The following AGPS variants were observed in gnomAD, a reference collection of about 807,000 sequenced individuals.
AGPS encodes the protein alkyldihydroxyacetonephosphate synthase, peroxisomal.
Under a neutral mutation model 90.7 loss-of-function variants are expected in AGPS, and 26 were observed. The observed-to-expected ratio is 0.29, with a 90% confidence interval of 0.21 to 0.40. The LOEUF (loss-of-function observed/expected upper bound fraction) is 0.40. Ranked by LOEUF, AGPS falls within the 10% of genes least tolerant of loss-of-function variation. The pLI, the probability that AGPS is intolerant of heterozygous loss-of-function variation, is 1.00. For missense variants in AGPS, 540 were observed against 816.1 expected, an observed-to-expected ratio of 0.66 and a Z score of 4.12; for synonymous variants, 294 against 285.3, an observed-to-expected ratio of 1.03 and a Z score of -0.31.
intron 9 of AGPS, among the ~76,000 whole-genome samples, chr2:177,462,853 G>A (rs1687341760): frequency 6.6e-6 from 1 of 152,098 alleles, no homozygotes; most frequent in Non-Finnish European, 1.5e-5. Context: ...TATGGATTTT[G>A]GTATCCTCGA....
intron 7 of AGPS, 119 bp downstream of exon 7, chr2:177,442,605 G>C: frequency 1.3e-6 from 1 of 768,134 alleles, no homozygotes; most frequent in South Asian, 1.5e-5. Context: ...CCAGCACCTG[G>C]GGAGGCTGAG....
intron 8 of AGPS, among the ~76,000 whole-genome samples, chr2:177,453,674 A>G (rs1687020225): frequency 6.7e-6 from 1 of 149,438 alleles, no homozygotes; most frequent in Non-Finnish European, 1.5e-5. Context: ...TATCATGTCT[A>G]AGAAAATCAG....
In AGPS at chr2:177,531,011, A is replaced by AT. The variant is rs556763845; in HGVS notation, c.1856-7055dup. ...ATAACCAGCCTTAGTTTAAATATTG[A>AT]TTTTTTTTACCTAACCAAAATTACT... is the stretch of plus-strand genomic sequence containing the variant. On this transcript the variant is annotated intron_variant, in intron 19 of 19. Coordinates refer to ENST00000264167, the MANE Select transcript of AGPS (RefSeq NM_003659.4). 5.7e-3 allele frequency among the ~76,000 whole-genome samples: 872 copies of AT among 152,020 alleles called. 20 individuals are homozygous for AT. The highest frequency in any genetic ancestry group is 0.043 in the Admixed American group (656 of 15,226).
At chr2:177,437,931 A>G (rs1686465386) in intron 5 of AGPS, among the ~76,000 whole-genome samples, 1 of 152,176 alleles carries the variant, frequency 6.6e-6, no homozygotes, top group South Asian at 2.1e-4. Flanking sequence ...TACTTTCCTG[A>G]TACTTGTATA....
rs79531837 is a variant in AGPS at position 177,474,503 on chromosome 2, C to G, written c.1105+5979C>G. ...ACACACATTCCTGGTGACTGTACCC[C>G]ACTCTTCCAGTGCACAGGCGGGCCC... is the stretch of plus-strand genomic sequence containing the variant. On this transcript the variant is annotated intron_variant, in intron 10 of 19. Transcript: ENST00000264167. Among the ~76,000 whole-genome samples the G allele has an allele frequency of 1.3e-4, 20 of 152,324 alleles. No homozygotes were observed. The South Asian group carries it at 4.1e-3, about 32-fold the overall frequency.
At chr2:177,500,735 A>G (rs1688540906) in intron 14 of AGPS, among the ~76,000 whole-genome samples, 2 of 152,058 alleles carry the variant, frequency 1.3e-5, no homozygotes, top group Admixed American at 6.5e-5. Context: ...TGGCAAATGG[A>G]ATTTTAATTT....
At chr2:177,445,797 A>T (rs1686751511) in intron 8 of AGPS, among the ~76,000 whole-genome samples, 171 bp downstream of exon 8, 1 of 152,210 alleles carries the variant, frequency 6.6e-6, no homozygotes, top group Non-Finnish European at 1.5e-5. Flanking sequence ...TGGGTCAAGC[A>T]TTGAGCTAGA....
chr2:177,451,862 GCCA>G (rs1439082543), intron 8 of AGPS, among the ~76,000 whole-genome samples: 2 of 152,046 alleles, frequency 1.3e-5, no homozygotes, highest in Non-Finnish European at 2.9e-5. Flanking sequence ...TTAGTGACAT[GCCA>G]CCAATTTTGA....
intron 1 of AGPS, among the ~76,000 whole-genome samples, chr2:177,409,396 T>C (rs1685556396): frequency 6.6e-6 from 1 of 152,106 alleles, no homozygotes. Context: ...GACTTTTTTT[T>C]TTTTTTTTAC....
intron 10 of AGPS, among the ~76,000 whole-genome samples, chr2:177,474,886 T>G (rs1687736750): frequency 6.6e-6 from 1 of 152,234 alleles, no homozygotes; most frequent in African/African-American, 2.4e-5. Flanking sequence ...CAAATAAATA[T>G]TCTCAAATGT....
At chr2:177,518,262 C>T (rs960990457) in intron 17 of AGPS, among the ~76,000 whole-genome samples, 17 of 151,906 alleles carry the variant, frequency 1.1e-4, no homozygotes, top group Non-Finnish European at 2.1e-4. Flanking sequence ...GATGAAACCC[C>T]GTCTCTACTA....
chr2:177,439,755 A>G (rs1686541857), intron 5 of AGPS, among the ~76,000 whole-genome samples: 1 of 152,074 alleles, frequency 6.6e-6, no homozygotes, highest in Non-Finnish European at 1.5e-5. Flanking sequence ...AGTTTTGCAT[A>G]GTTTTCTTGC....
At chr2:177,434,255 G>GA (rs1686332124) in intron 2 of AGPS, 72 bp from the exon 3 acceptor site, 1 of 1,105,112 alleles carries the variant, frequency 9.0e-7, no homozygotes, top group Non-Finnish European at 1.4e-6. Context: ...ACCATCACTG[G>GA]AAGCAGAATT....
At chr2:177,467,150 T>C (rs533043765) in intron 9 of AGPS, among the ~76,000 whole-genome samples, 34 of 152,294 alleles carry the variant, frequency 2.2e-4, no homozygotes, top group Non-Finnish European at 2.9e-4. Flanking sequence ...TAGAACTGTT[T>C]CTAGGCATGC....
chr2:177,506,799 A>G (rs535669257), intron 15 of AGPS, among the ~76,000 whole-genome samples: 2 of 152,164 alleles, frequency 1.3e-5, no homozygotes, highest in African/African-American at 4.8e-5. Flanking sequence ...ACAATTATCA[A>G]TTGTCAATAT....
Position 177,541,503 on chromosome 2 carries a change from T to C in AGPS, c.*3308T>C, listed in dbSNP as rs1029188416. On this transcript the variant is annotated 3_prime_UTR_variant, in exon 20 of 20. Coordinates refer to ENST00000264167, the MANE Select transcript of AGPS (RefSeq NM_003659.4). ...TTGATTCACAAACTGCATGTGCTGG[T>C]GCTTGAGGCAGCCAAAATGGAATGC... The C allele has an allele frequency of 3.9e-5, 6 of 152,178 alleles. 1 individual carries two copies. The highest frequency in any genetic ancestry group is 7.2e-5 in the African/African-American group (3 of 41,456). The allele number at this position is 152,178 out of a possible 1,614,324, so 9.4% of individuals were successfully genotyped here. A position where few individuals can be genotyped will look rare whatever the true frequency, so the allele number is the denominator to read the frequency against.
chr2:177,399,520 G>A (rs1685274199), intron 1 of AGPS, among the ~76,000 whole-genome samples: 1 of 152,138 alleles, frequency 6.6e-6, no homozygotes, highest in Non-Finnish European at 1.5e-5. Context: ...GATAATGCTG[G>A]TTGGAGATCG....
chr2:177,406,199 C>A (rs1204382271), intron 1 of AGPS, among the ~76,000 whole-genome samples: 2 of 152,226 alleles, frequency 1.3e-5, no homozygotes, highest in Non-Finnish European at 2.9e-5. Context: ...TGTCTCACTT[C>A]TAGCCTGGTC....
At chr2:177,488,843 T>A (rs1688170178) in intron 11 of AGPS, among the ~76,000 whole-genome samples, 2 of 152,178 alleles carry the variant, frequency 1.3e-5, no homozygotes, top group Admixed American at 6.5e-5. Context: ...TGGACCAGAG[T>A]TACATGGCTG....
Sources: allele counts gnomAD v4.1 joint callset (sites outside exome capture counted in the v4.1 genomes callset), GRCh38; gene constraint gnomAD v4.1.1; transcripts MANE v1.5; gene names NCBI Gene and HGNC (gene_info 2026-07-23, HGNC 2026-07-21).